Variants in MAD1L1 observed in about 807,000 individuals in gnomAD.
The protein encoded by MAD1L1 is mitotic spindle assembly checkpoint protein MAD1.
MAD1L1 carries 95 observed loss-of-function variants against 96.9 expected under a neutral mutation model. The ratio of observed to expected loss-of-function variants is 0.98; its 90% CI spans 0.83 to 1.16. The LOEUF (loss-of-function observed/expected upper bound fraction) is 1.16. Ranked by LOEUF, MAD1L1 falls within the 50% of genes most tolerant of loss-of-function variation. The pLI, the probability that MAD1L1 is intolerant of heterozygous loss-of-function variation, is 0.00. For synonymous variants in MAD1L1, 473 were observed against 396.6 expected, an observed-to-expected ratio of 1.19 and a Z score of -2.29; for missense variants, 1,007 against 954.4, an observed-to-expected ratio of 1.06 and a Z score of -0.73.
chr7:1,886,495 G>C (rs1190090854), intron 18 of MAD1L1, among the ~76,000 whole-genome samples: 1 of 152,228 alleles, frequency 6.6e-6, no homozygotes, highest in Non-Finnish European at 1.5e-5. Context: ...CCTCTGCATG[G>C]GCTCGGTGAC....
intron 10 of MAD1L1, chr7:2,210,074 C>T (rs182911366): frequency 1.3e-5 from 2 of 152,310 alleles, no homozygotes; most frequent in Admixed American, 6.5e-5. Context: ...CTCAGGTTTA[C>T]CCAGAAATCC....
intron 17 of MAD1L1, among the ~76,000 whole-genome samples, chr7:1,902,994 T>C (rs976898324): frequency 6.6e-5 from 10 of 152,096 alleles, no homozygotes; most frequent in Admixed American, 5.9e-4. Flanking sequence ...GAAGACGCTC[T>C]TGCGGAACTC....
chr7:2,136,487 C>T (rs1788758029), intron 11 of MAD1L1, among the ~76,000 whole-genome samples: 1 of 152,220 alleles, frequency 6.6e-6, no homozygotes, highest in South Asian at 2.1e-4. Flanking sequence ...GACTCTCTTA[C>T]CCAAGTTTCC....
At chr7:1,907,805 C>T (rs567866595) in intron 17 of MAD1L1, among the ~76,000 whole-genome samples, 3 of 152,366 alleles carry the variant, frequency 2.0e-5, no homozygotes, top group South Asian at 2.1e-4. Context: ...ACGGACATCA[C>T]GGGTGCTCGG....
chr7:1,964,994 C>A (rs995620716), intron 15 of MAD1L1, among the ~76,000 whole-genome samples: 64 of 152,208 alleles, frequency 4.2e-4, no homozygotes, highest in African/African-American at 1.5e-3. Flanking sequence ...GACCCCTGCA[C>A]TGCCCGCCAG....
chr7:1,876,619 T>TTA (rs1269141735), intron 18 of MAD1L1, among the ~76,000 whole-genome samples: 1 of 151,930 alleles, frequency 6.6e-6, no homozygotes, highest in East Asian at 1.9e-4. Context: ...TTCCATATTT[T>TTA]TATATATATG....
intron 11 of MAD1L1, among the ~76,000 whole-genome samples, chr7:2,089,602 G>A (rs1310278929): frequency 2.7e-5 from 4 of 149,320 alleles, no homozygotes; most frequent in Admixed American, 1.3e-4. Flanking sequence ...GGGGCCCACC[G>A]CACACGCCCA....
chr7:2,189,047 A>G (rs578028552), intron 10 of MAD1L1, among the ~76,000 whole-genome samples: 25 of 152,322 alleles, frequency 1.6e-4, no homozygotes, highest in Admixed American at 4.6e-4. Flanking sequence ...AAGAAGACAC[A>G]CAACTGGCCA....
chr7:2,116,404 G>C (rs1296033267), intron 11 of MAD1L1, among the ~76,000 whole-genome samples: 2 of 152,186 alleles, frequency 1.3e-5, no homozygotes, highest in Non-Finnish European at 2.9e-5. Flanking sequence ...AGGAGCCTCT[G>C]TCCTCTAAGA....
At chr7:1,859,122 A>G (rs1049487155) in intron 18 of MAD1L1, among the ~76,000 whole-genome samples, 4 of 129,228 alleles carry the variant, frequency 3.1e-5, no homozygotes, top group Non-Finnish European at 7.1e-5. Flanking sequence ...CTCCACACAC[A>G]ACCCCACACG....
At chr7:1,932,326 A>C (rs887709037) in intron 17 of MAD1L1, among the ~76,000 whole-genome samples, 8 of 151,776 alleles carry the variant, frequency 5.3e-5, no homozygotes, top group African/African-American at 1.9e-4. Context: ...CCGCGGCAGA[A>C]GCCCCTGTGG....
chr7:2,194,490 G>A (rs1406633031), intron 10 of MAD1L1, among the ~76,000 whole-genome samples: 2 of 152,168 alleles, frequency 1.3e-5, no homozygotes, highest in African/African-American at 2.4e-5. Flanking sequence ...TCACATGAAA[G>A]GTCCCACCTC....
intron 11 of MAD1L1, among the ~76,000 whole-genome samples, chr7:2,095,623 A>G (rs1221411514): frequency 6.6e-6 from 1 of 152,182 alleles, no homozygotes; most frequent in Admixed American, 6.5e-5. Context: ...CGAGGTGGAC[A>G]GCAGCAATGC....
At chr7:1,889,119 G>A (rs773345820) in intron 18 of MAD1L1, among the ~76,000 whole-genome samples, 17 of 152,184 alleles carry the variant, frequency 1.1e-4, no homozygotes, top group Non-Finnish European at 1.8e-4. Context: ...GGGCAGATGC[G>A]ATGATCCTGG....
chr7:2,152,811 G>A (rs770147434), intron 10 of MAD1L1, among the ~76,000 whole-genome samples: 7 of 152,184 alleles, frequency 4.6e-5, no homozygotes, highest in Non-Finnish European at 1.0e-4. Flanking sequence ...GGAGGCTGGA[G>A]GCTGTTTTCA....
chr7:2,162,073 C>G lies in MAD1L1; in HGVS notation c.987-12835G>C, dbSNP rs565585885. 2.0e-4 allele frequency among the ~76,000 whole-genome samples: 31 copies of G among 152,236 alleles called. No homozygotes were observed. In the South Asian group the frequency reaches 6.4e-3, roughly 32 times the overall value. On this transcript the variant is annotated intron_variant, in intron 10 of 18. Coordinates refer to ENST00000265854, the MANE Select transcript of MAD1L1 (RefSeq NM_001013836.2). ...GAGGAGCCCCTCTGCCCGGCCACCA[C>G]CCCGTCTGGGAGGTGTATCCAACAG...
At chr7:1,944,653 GC>G (rs1442907606) in intron 16 of MAD1L1, among the ~76,000 whole-genome samples, 1 of 152,156 alleles carries the variant, frequency 6.6e-6, no homozygotes, top group Non-Finnish European at 1.5e-5. Flanking sequence ...GGGGATCCCT[GC>G]CCCCAAGACC....
chr7:1,938,899 G>GCACACACA (rs1491290722), intron 16 of MAD1L1, among the ~76,000 whole-genome samples: 15 of 57,842 alleles, frequency 2.6e-4, no homozygotes, highest in South Asian at 1.6e-3. Flanking sequence ...GGGGCCAGAG[G>GCACACACA]CGCGCACACA....
intron 18 of MAD1L1, among the ~76,000 whole-genome samples, chr7:1,832,710 C>A: frequency 1.2e-5 from 1 of 82,840 alleles, no homozygotes; most frequent in East Asian, 3.3e-4. Flanking sequence ...CAGCTCACTG[C>A]AACCTCCACC....
Sources: gnomAD v4.1 joint callset for allele counts (sites outside exome capture counted in the v4.1 genomes callset) on GRCh38, gnomAD v4.1.1 for gene constraint, MANE v1.5 for transcripts, NCBI Gene and HGNC (gene_info 2026-07-23, HGNC 2026-07-21) for gene names.